Variants in DHRSX observed in about 807,000 individuals in gnomAD.
DHRSX encodes polyprenol dehydrogenase.
A neutral mutation model predicts 34.0 loss-of-function variants in DHRSX; 31 were observed. The ratio of observed to expected loss-of-function variants is 0.91; its 90% CI spans 0.69 to 1.23. The LOEUF (loss-of-function observed/expected upper bound fraction) is 1.23. Among genes scored for constraint, DHRSX ranks in the 50% most tolerant of loss-of-function variants. The probability of loss-of-function intolerance (pLI) is 0.00; values close to 1 mark genes in which losing one functional copy is unlikely to be tolerated. For missense variants in DHRSX, 414 were observed against 428.1 expected (o/e 0.97, Z 0.29); for synonymous variants, 201 against 183.8 (o/e 1.09, Z -0.76).
chrX:2,432,237 GA>G (rs1251033331), intron 1 of DHRSX, among the ~76,000 whole-genome samples: 2 of 151,758 alleles, frequency 1.3e-5, no homozygotes, highest in Non-Finnish European at 2.9e-5. Context: ...ATAGAAGTTG[GA>G]GGGGGAAAAA....
intron 1 of DHRSX, among the ~76,000 whole-genome samples, chrX:2,452,479 G>T (rs1041804079): frequency 1.3e-5 from 2 of 151,860 alleles, no homozygotes; most frequent in African/African-American, 4.8e-5. Flanking sequence ...ACACACTGAA[G>T]ACGTTCCCTA....
At chrX:2,439,207 A>C (rs1241213704) in intron 1 of DHRSX, among the ~76,000 whole-genome samples, 3 of 152,224 alleles carry the variant, frequency 2.0e-5, no homozygotes, top group Middle Eastern at 3.4e-3. Context: ...ATAACATAAA[A>C]GCTTAAAATA....
At chrX:2,253,876 G>T (rs778015895) in intron 5 of DHRSX, among the ~76,000 whole-genome samples, 1 of 152,064 alleles carries the variant, frequency 6.6e-6, no homozygotes, top group Non-Finnish European at 1.5e-5. Flanking sequence ...CTGGCTAACA[G>T]GGTGAAACCC....
intron 3 of DHRSX, among the ~76,000 whole-genome samples, chrX:2,366,865 G>T (rs1169414275): frequency 1.3e-5 from 2 of 151,864 alleles, no homozygotes; most frequent in African/African-American, 4.8e-5. Flanking sequence ...TCCCAAAAGT[G>T]CTGGGATTAC....
At chrX:2,419,029 A>T (rs1004999960) in intron 2 of DHRSX, among the ~76,000 whole-genome samples, 22 of 152,118 alleles carry the variant, frequency 1.4e-4, no homozygotes, top group Non-Finnish European at 2.6e-4. Context: ...ACACTCTCAG[A>T]TGGGCACCCT....
At chrX:2,370,639 A>G in intron 3 of DHRSX, among the ~76,000 whole-genome samples, 1 of 151,458 alleles carries the variant, frequency 6.6e-6, no homozygotes, top group East Asian at 1.9e-4. Context: ...AGATGCTTCC[A>G]AGTCAGCCTA....
At chrX:2,410,434 A>G (rs2043611304) in intron 2 of DHRSX, among the ~76,000 whole-genome samples, 1 of 152,134 alleles carries the variant, frequency 6.6e-6, no homozygotes, top group Non-Finnish European at 1.5e-5. Flanking sequence ...GTCTATCTCC[A>G]TCCTACCTGC....
chrX:2,305,556 C>T (rs1055772426), intron 3 of DHRSX, among the ~76,000 whole-genome samples: 17 of 152,104 alleles, frequency 1.1e-4, no homozygotes, highest in African/African-American at 3.6e-4. Flanking sequence ...TTTACTGCAG[C>T]ACTGTTCACA....
intron 3 of DHRSX, among the ~76,000 whole-genome samples, chrX:2,338,364 T>C (rs1343688832): frequency 6.6e-6 from 1 of 150,674 alleles, no homozygotes; most frequent in Non-Finnish European, 1.5e-5. Context: ...AAAAAGGAAG[T>C]CACACTCACA....
At chrX:2,469,092 G>A (rs1236450001) in intron 1 of DHRSX, among the ~76,000 whole-genome samples, 1 of 151,654 alleles carries the variant, frequency 6.6e-6, no homozygotes, top group East Asian at 2.0e-4. Flanking sequence ...GTGGCTAAGG[G>A]ACCACTGCCA....
chrX:2,345,390 C>G (rs1043552931), intron 3 of DHRSX, among the ~76,000 whole-genome samples: 21 of 146,768 alleles, frequency 1.4e-4, no homozygotes, highest in Admixed American at 6.7e-4. Flanking sequence ...CACCTATAAT[C>G]CCAGCACTTT....
chrX:2,236,739 G>A (rs1249088210), intron 6 of DHRSX, among the ~76,000 whole-genome samples: 1 of 152,100 alleles, frequency 6.6e-6, no homozygotes, highest in African/African-American at 2.4e-5. Flanking sequence ...GCCACCTGGA[G>A]CATTTTCAGT....
chrX:2,475,860 A>T (rs1339446295), intron 1 of DHRSX, among the ~76,000 whole-genome samples: 1 of 152,198 alleles, frequency 6.6e-6, no homozygotes, highest in South Asian at 2.1e-4. Flanking sequence ...CTAGCCACAA[A>T]CCCAGCTAGG....
chrX:2,228,908 C>T (rs2015800209), intron 6 of DHRSX, among the ~76,000 whole-genome samples: 1 of 152,072 alleles, frequency 6.6e-6, no homozygotes, highest in South Asian at 2.1e-4. Context: ...GTCCTTGGGA[C>T]GGATCCCCTG....
intron 6 of DHRSX, among the ~76,000 whole-genome samples, chrX:2,227,128 T>C (rs1248949119): frequency 6.6e-6 from 1 of 151,944 alleles, no homozygotes; most frequent in South Asian, 2.1e-4. Flanking sequence ...CCCACATCTG[T>C]ACATGCCAGG....
intron 3 of DHRSX, chrX:2,392,444 C>A: frequency 3.2e-6 from 1 of 307,746 alleles, no homozygotes. Flanking sequence ...GAGGCAAAGC[C>A]AGCCCGGGCA....
intron 3 of DHRSX, among the ~76,000 whole-genome samples, chrX:2,360,589 A>G (rs1489866526): frequency 6.6e-6 from 1 of 152,022 alleles, no homozygotes; most frequent in African/African-American, 2.4e-5. Flanking sequence ...TTTCAACAAC[A>G]ACAACAAAAA....
At chrX:2,252,834 G>A (rs1296323008) in intron 5 of DHRSX, among the ~76,000 whole-genome samples, 2 of 152,178 alleles carry the variant, frequency 1.3e-5, no homozygotes, top group African/African-American at 4.8e-5. Flanking sequence ...AAGCAAATAC[G>A]TAGGAGGAAA....
intron 1 of DHRSX, among the ~76,000 whole-genome samples, chrX:2,448,835 G>A (rs1194442043): frequency 6.6e-6 from 1 of 152,054 alleles, no homozygotes; most frequent in Non-Finnish European, 1.5e-5. Flanking sequence ...CAGTTTACAC[G>A]ACCATGACAC....
Sources: gnomAD v4.1 joint callset for allele counts (sites outside exome capture counted in the v4.1 genomes callset) on GRCh38, gnomAD v4.1.1 for gene constraint, MANE v1.5 for transcripts, NCBI Gene and HGNC (gene_info 2026-07-23, HGNC 2026-07-21) for gene names.